The following CDH18 variants were observed in gnomAD, a reference collection of about 807,000 sequenced individuals.
CDH18 encodes the protein cadherin-18.
In CDH18, 31 loss-of-function variants were observed where a neutral mutation model predicts 67.9. The observed-to-expected ratio is 0.46, with a 90% confidence interval of 0.34 to 0.62. The LOEUF (loss-of-function observed/expected upper bound fraction) is 0.62, where lower values mean the gene tolerates loss of function less well. Among genes scored for constraint, CDH18 ranks in the 20% least tolerant of loss-of-function variants. The pLI, the probability that CDH18 is intolerant of heterozygous loss-of-function variation, is 0.01. For missense variants in CDH18, 890 were observed against 975.5 expected (o/e 0.91, Z 1.17); for synonymous variants, 362 against 347.2 (o/e 1.04, Z -0.48).
intron 2 of CDH18, among the ~76,000 whole-genome samples, chr5:19,871,848 T>G (rs1786340253): frequency 6.6e-6 from 1 of 152,154 alleles, no homozygotes; most frequent in South Asian, 2.1e-4. Flanking sequence ...ATTATAGCCA[T>G]GAAGCTTGTG....
intron 1 of CDH18, among the ~76,000 whole-genome samples, chr5:20,370,891 G>C (rs898246635): frequency 2.6e-5 from 4 of 152,002 alleles, no homozygotes; most frequent in African/African-American, 9.7e-5. Context: ...ATGAAAAATA[G>C]CTGGGTGTGG....
At chr5:20,432,467 G>C (rs1209075521) in intron 1 of CDH18, among the ~76,000 whole-genome samples, 1 of 152,202 alleles carries the variant, frequency 6.6e-6, no homozygotes, top group East Asian at 1.9e-4. Flanking sequence ...TCTAAGTAGA[G>C]AGATTTTATA....
intron 2 of CDH18, among the ~76,000 whole-genome samples, chr5:20,248,206 G>T (rs1285836112): frequency 6.6e-6 from 1 of 152,130 alleles, no homozygotes; most frequent in Non-Finnish European, 1.5e-5. Context: ...CTGCTGACTG[G>T]ATCTGGGTTA....
At chr5:19,682,302 T>C (rs1760451957) in intron 5 of CDH18, among the ~76,000 whole-genome samples, 1 of 152,106 alleles carries the variant, frequency 6.6e-6, no homozygotes, top group Non-Finnish European at 1.5e-5. Flanking sequence ...TTGACTGCAC[T>C]ACTTTCCTCC....
intron 5 of CDH18, among the ~76,000 whole-genome samples, chr5:19,618,671 A>G (rs1750221421): frequency 6.6e-6 from 1 of 152,190 alleles, no homozygotes; most frequent in African/African-American, 2.4e-5. Flanking sequence ...ATCTACTCAC[A>G]TCTTCGACCT....
chr5:20,397,474 A>G (rs565092679), intron 1 of CDH18, among the ~76,000 whole-genome samples: 1 of 152,230 alleles, frequency 6.6e-6, no homozygotes, highest in South Asian at 2.1e-4. Context: ...TAACAAAATT[A>G]CTAGCCTAGG....
intron 11 of CDH18, among the ~76,000 whole-genome samples, chr5:19,486,732 G>T (rs543115177): frequency 6.6e-6 from 1 of 152,312 alleles, no homozygotes; most frequent in East Asian, 1.9e-4. Context: ...GGCAGAGGTT[G>T]CAGAGAGCCG....
At chr5:19,854,340 G>A (rs1314536525) in intron 2 of CDH18, among the ~76,000 whole-genome samples, 1 of 151,910 alleles carries the variant, frequency 6.6e-6, no homozygotes, top group Non-Finnish European at 1.5e-5. Flanking sequence ...TCATTTTGAG[G>A]GAAATCTGTC....
At chr5:19,909,844 A>G (rs1197214249) in intron 2 of CDH18, among the ~76,000 whole-genome samples, 4 of 152,202 alleles carry the variant, frequency 2.6e-5, no homozygotes, top group African/African-American at 4.8e-5. Context: ...TAAAATCAGT[A>G]TGGTGTGATG....
chr5:20,194,656 TA>T (rs1738822217), intron 2 of CDH18, among the ~76,000 whole-genome samples: 1 of 80,808 alleles, frequency 1.2e-5, no homozygotes, highest in Admixed American at 1.1e-4. Context: ...AACTTTGAAG[TA>T]ATTTTTTTTT....
intron 1 of CDH18, among the ~76,000 whole-genome samples, chr5:20,490,237 G>T (rs1753506707): frequency 6.6e-6 from 1 of 152,012 alleles, no homozygotes; most frequent in African/African-American, 2.4e-5. Context: ...CAGATTTATG[G>T]CAAACATTAT....
chr5:19,851,827 G>A (rs760555773), intron 2 of CDH18, among the ~76,000 whole-genome samples: 53 of 151,634 alleles, frequency 3.5e-4, no homozygotes, highest in Admixed American at 1.1e-3. Flanking sequence ...ATCTCTTTTG[G>A]TTCAAAAGAT....
chr5:20,541,146 T>G (rs1265034078), intron 1 of CDH18, among the ~76,000 whole-genome samples: 2 of 152,148 alleles, frequency 1.3e-5, no homozygotes, highest in African/African-American at 4.8e-5. Context: ...AGTAGAAAAT[T>G]TATAAAATTT....
In CDH18 at chr5:19,473,139, G is replaced by C; in HGVS notation, c.*87C>G. 6.6e-7 allele frequency: 1 copy of C among 1,515,818 alleles called. No individual in the cohort carries two copies. Among genetic ancestry groups the C allele is most frequent in the Non-Finnish European group, 8.9e-7 (1 of 1,123,410 alleles). 93.9% of individuals were successfully genotyped at this position (1,515,818 alleles called of 1,614,324 possible). On this transcript the variant is annotated 3_prime_UTR_variant, in exon 13 of 13. Coordinates refer to ENST00000382275, the MANE Select transcript of CDH18 (RefSeq NM_004934.5). ...TCCAGCTTCCTCAGTTCCAAGTACT[G>C]TTTCCACACTTCTTCCTTGTCATTG...
chr5:20,490,407 A>C (rs1441878246), intron 1 of CDH18, among the ~76,000 whole-genome samples: 1 of 152,224 alleles, frequency 6.6e-6, no homozygotes, highest in East Asian at 1.9e-4. Context: ...CTCTAATTAC[A>C]TGCCTACCTC....
At chr5:19,808,521 C>T (rs2149881900) in intron 3 of CDH18, among the ~76,000 whole-genome samples, 1 of 152,020 alleles carries the variant, frequency 6.6e-6, no homozygotes, top group East Asian at 1.9e-4. Context: ...AAAGTAAATA[C>T]CTGTTGAAAT....
At chr5:19,825,837 C>A (rs1780349445) in intron 3 of CDH18, among the ~76,000 whole-genome samples, 1 of 152,114 alleles carries the variant, frequency 6.6e-6, no homozygotes. Flanking sequence ...TGTCTTCTTG[C>A]TTCAAATGAC....
chr5:19,528,608 G>A (rs1186211847), intron 9 of CDH18, among the ~76,000 whole-genome samples: 4 of 151,818 alleles, frequency 2.6e-5, no homozygotes, highest in African/African-American at 9.7e-5. Context: ...GAACAGATTT[G>A]TTGCTGTTCG....
chr5:20,484,733 G>A (rs963086267), intron 1 of CDH18, among the ~76,000 whole-genome samples: 4 of 151,954 alleles, frequency 2.6e-5, no homozygotes, highest in African/African-American at 4.8e-5. Flanking sequence ...ATTATTTGTG[G>A]GGGCTAAATA....
Sources: gnomAD v4.1 joint callset for allele counts (sites outside exome capture counted in the v4.1 genomes callset) on GRCh38, gnomAD v4.1.1 for gene constraint, MANE v1.5 for transcripts, NCBI Gene and HGNC (gene_info 2026-07-23, HGNC 2026-07-21) for gene names.